LRIG2: variants seen among roughly 807,000 people sequenced by gnomAD.
LRIG2 encodes the protein leucine rich repeats and immunoglobulin like domains 2, also known as leucine-rich repeats and immunoglobulin-like domains protein 2.
A neutral mutation model predicts 107.8 loss-of-function variants in LRIG2; 93 were observed. The observed-to-expected ratio is 0.86, with a 90% CI of 0.73 to 1.03. The LOEUF (loss-of-function observed/expected upper bound fraction) is 1.03, where lower values mean the gene tolerates loss of function less well. Among genes scored for constraint, LRIG2 ranks in the 50% least tolerant of loss-of-function variants. The pLI, the probability that LRIG2 is intolerant of heterozygous loss-of-function variation, is 0.00. For missense variants in LRIG2, 1,226 were observed against 1,296.0 expected (o/e 0.95, Z 0.83); for synonymous variants, 471 against 470.6 (o/e 1.00, Z -0.01).
At chr1:113,112,389 T>G in intron 13 of LRIG2, 90 bp from the exon 14 acceptor site, 2 of 1,135,082 alleles carry the variant, frequency 1.8e-6, no homozygotes, top group Non-Finnish European at 2.5e-6. Context: ...GGGGGTGTCT[T>G]GCCTACTAGA....
rs1202431362 is a variant in LRIG2, at chr1:113,124,728, G to T, written c.*627G>T. 2.0e-5 allele frequency: 3 copies of T among 151,970 alleles called. No individual in the cohort carries two copies. Among genetic ancestry groups the T allele is most frequent in the African/African-American group, 7.3e-5 (3 of 41,252 alleles). 9.4% of individuals were successfully genotyped at this position (151,970 alleles called of 1,614,324 possible). ...ATATGTGCATTTATAAATAATTTTT[G>T]TATTCATTGACCATATGTGTTGGCT... On this transcript the variant is annotated 3_prime_UTR_variant, in exon 18 of 18. Coordinates refer to ENST00000361127, the MANE Select transcript of LRIG2 (RefSeq NM_014813.3).
At chr1:113,078,158 A>C (rs1025690835) in intron 1 of LRIG2, among the ~76,000 whole-genome samples, 4 of 151,922 alleles carry the variant, frequency 2.6e-5, no homozygotes, top group Non-Finnish European at 4.4e-5. Context: ...GGGTTGGTTC[A>C]AAGTCTTTGC....
rs866098835 is a variant in LRIG2 at position 113,112,569 on chromosome 1, C to T, written c.1889C>T (p.Ala630Val). Residue 630 changes from alanine (A) to valine (V), a missense_variant, in exon 14 of 18, where the codon GCA (alanine) becomes GTA (valine). This residue lies in a region of LRIG2 where 642 missense variants were observed against 712.2 expected (regional missense o/e 0.90). Transcript: ENST00000361127. ...GAATGTGCTGCAGAGGGACACCCTGCACCTCAGATTTCCTGGCAGAAAGAT... is the reference window on the plus strand; with the variant it reads ...GAATGTGCTGCAGAGGGACACCCTGTACCTCAGATTTCCTGGCAGAAAGAT... ...RLECAAEGHP[A>V]PQISWQKDGG... 5 of 1,614,104 alleles carry T rather than the reference C, an allele frequency of 3.1e-6. No individual in the cohort carries two copies. The Middle Eastern group carries it at 4.9e-4, about 159-fold the overall frequency.
Position 113,077,051 on chromosome 1 carries a change from G to T in LRIG2, c.239+3406G>T, listed in dbSNP as rs530613800. Among the ~76,000 whole-genome samples, 11 of 152,090 alleles carry T rather than the reference G, an allele frequency of 7.2e-5. No homozygotes were observed. The South Asian group carries it at 2.1e-3, about 29-fold the overall frequency. ...ACATTAAGAAGTATGTATTTTTAGG[G>T]TTAAGGACGCTTCTATAGATTATAT... On this transcript the variant is annotated intron_variant, in intron 1 of 17. Coordinates refer to ENST00000361127, the MANE Select transcript of LRIG2 (RefSeq NM_014813.3).
rs1655634751 is a variant in LRIG2, at chr1:113,129,705, A to G, written c.*5604A>G. ...CTAATCAGGAATGTTGCAAACTGAA[A>G]TGCTCCTTTCCCCACTGCCCCCTAA... is the stretch of plus-strand genomic sequence containing the variant. On this transcript the variant is annotated 3_prime_UTR_variant, in exon 18 of 18. Coordinates refer to ENST00000361127, the MANE Select transcript of LRIG2 (RefSeq NM_014813.3). 1 of 152,208 alleles carries G rather than the reference A, an allele frequency of 6.6e-6. No individual in the cohort carries two copies. Among genetic ancestry groups the G allele is most frequent in the Non-Finnish European group, 1.5e-5 (1 of 68,042 alleles). 9.4% of individuals were successfully genotyped at this position (152,208 alleles called of 1,614,324 possible).
chr1:113,096,046 G>T (rs751975786), intron 7 of LRIG2, 29 bp downstream of exon 7: 10 of 1,613,792 alleles, frequency 6.2e-6, no homozygotes, highest in South Asian at 5.5e-5. Flanking sequence ...TTCACTGGAG[G>T]CAGTTAAGAC....
intron 9 of LRIG2, 78 bp from the exon 10 acceptor site, chr1:113,100,133 C>T: frequency 1.2e-6 from 1 of 842,526 alleles, no homozygotes; most frequent in Non-Finnish European, 1.8e-6. Flanking sequence ...CTTATTTTCA[C>T]TTTTTATAGG....
Position 113,124,319 on chromosome 1 carries a change from A to G in LRIG2, c.*218A>G. On this transcript the variant is annotated 3_prime_UTR_variant, in exon 18 of 18. Transcript: ENST00000361127. ...TGGGTACAGCTCATCAAAAATGTGC[A>G]GCACCGGCAGAGGGAAGATACGGGG... The G allele has an allele frequency of 3.5e-6, 2 of 577,530 alleles. No individual in the cohort carries two copies. Among genetic ancestry groups the G allele is most frequent in the South Asian group, 4.1e-5 (2 of 49,124 alleles). 35.8% of individuals were successfully genotyped at this position (577,530 alleles called of 1,614,324 possible).
At position 113,098,701 on chromosome 1, in the gene LRIG2, G is replaced by A. The variant is rs371981474; in HGVS notation, c.1092-4G>A. ...GCACCTGTCTTTCTCTGACATTTTT[G>A]TAGAGACTTAAGAAACAATGAAATT... On this transcript the variant is annotated splice_polypyrimidine_tract_variant and splice_region_variant and intron_variant, in intron 8 of 17. Coordinates refer to ENST00000361127, the MANE Select transcript of LRIG2 (RefSeq NM_014813.3). 6.9e-6 allele frequency: 11 copies of A among 1,599,666 alleles called. No individual in the cohort carries two copies. Among genetic ancestry groups the A allele is most frequent in the Non-Finnish European group, 9.4e-6 (11 of 1,167,108 alleles).
chr1:113,088,639 A>G (rs1314276770), intron 1 of LRIG2, among the ~76,000 whole-genome samples: 2 of 152,230 alleles, frequency 1.3e-5, no homozygotes, highest in Non-Finnish European at 2.9e-5. Context: ...GTCACCAGAT[A>G]CAAAATTAGA....
chr1:113,086,633 C>G (rs1474418098), intron 1 of LRIG2, among the ~76,000 whole-genome samples: 1 of 152,172 alleles, frequency 6.6e-6, no homozygotes, highest in Non-Finnish European at 1.5e-5. Flanking sequence ...TTGATTTTCT[C>G]TTTGAACTGT....
chr1:113,079,334 CAAGATCCTATTTAAA>C lies in LRIG2; in HGVS notation c.239+5692_239+5706del, dbSNP rs1653146144. Among the ~76,000 whole-genome samples, 10 of 128,270 alleles carry C rather than the reference CAAGATCCTATTTAAA, an allele frequency of 7.8e-5. No homozygotes were observed. The South Asian group carries it at 2.4e-3, about 30-fold the overall frequency. The allele number at this position is 128,270 out of a possible 152,430, so 84.2% of individuals were successfully genotyped here. On this transcript the variant is annotated intron_variant, in intron 1 of 17. Transcript: ENST00000361127. ...CTGTACTCCAGCCTGGGAGACAGAG[CAAGATCCTATTTAAA>C]AAAAAAAAAAAAAAGAAGAGAAAGA...
In LRIG2 at chr1:113,114,615, G is replaced by A. The variant is rs975321508; in HGVS notation, c.2269G>A (p.Gly757Arg). The change falls in exon 15 of 18, where the codon GGG becomes AGG. Residue 757 changes from glycine (G) to arginine (R), a missense_variant. Coordinates refer to ENST00000361127, the MANE Select transcript of LRIG2 (RefSeq NM_014813.3). ...ANQLLIIVDAGLEDAGKYTCI... is the reference protein window; with the variant it reads ...ANQLLIIVDARLEDAGKYTCI... ...TCAGCTTCTCATCATTGTAGATGCC[G>A]GGCTAGAAGATGCTGGGAAATATAC... The A allele has an allele frequency of 4.3e-6, 7 of 1,614,026 alleles. No individual in the cohort carries two copies. The highest frequency in any genetic ancestry group is 2.2e-5 in the East Asian group (1 of 44,874).
Position 113,119,476 on chromosome 1 carries a change from A to G in LRIG2, c.2924A>G (p.His975Arg). 9.3e-6 allele frequency: 15 copies of G among 1,614,118 alleles called. No homozygotes were observed. The highest frequency in any genetic ancestry group is 1.3e-5 in the African/African-American group (1 of 75,018). ...GAGCCATCTGCCTTTCCCACCAACC[A>G]TGAGAGGATAAGTGAGAAGAAACTT... ...NREPSAFPTN[H>R]ERISEKKLPS... The change falls in exon 17 of 18, where the codon CAT becomes CGT. Residue 975 changes from histidine (H) to arginine (R), a missense_variant. Physicochemically the swap from His to Arg is conservative, Grantham distance 29. This residue lies in a region of LRIG2 where 642 missense variants were observed against 712.2 expected (regional missense o/e 0.90). Coordinates refer to ENST00000361127, the MANE Select transcript of LRIG2 (RefSeq NM_014813.3).
At chr1:113,084,511 G>A (rs532052251) in intron 1 of LRIG2, among the ~76,000 whole-genome samples, 19 of 152,158 alleles carry the variant, frequency 1.2e-4, no homozygotes, top group South Asian at 4.1e-4. Flanking sequence ...CACCGCGCCC[G>A]GCATACTTAA....
chr1:113,110,989 T>TG (rs1654750732), intron 13 of LRIG2, among the ~76,000 whole-genome samples: 1 of 49,612 alleles, frequency 2.0e-5, no homozygotes, highest in African/African-American at 4.2e-5. Context: ...CACAGGATCA[T>TG]TTGTGTGTGT....
intron 9 of LRIG2, 61 bp from the exon 10 acceptor site, chr1:113,100,150 T>C: frequency 9.9e-7 from 1 of 1,006,972 alleles, no homozygotes; most frequent in South Asian, 1.7e-5. Context: ...TAGGTAAATG[T>C]TTAATGAATT....
chr1:113,116,429 C>A lies in LRIG2; in HGVS notation c.2673C>A (p.Gly891=), dbSNP rs1655016464. The A allele has an allele frequency of 2.6e-6, 4 of 1,547,968 alleles. No individual in the cohort carries two copies. Among genetic ancestry groups the A allele is most frequent in the Middle Eastern group, 1.7e-4 (1 of 5,924 alleles). ...CTGCCAATGGATATATACACAAAGG[C>A]ACTGACGGTAATGACTCTGTTGTTT... The part of the protein sequence containing the change: ...MPPANGYIHK[G]TDGGTGTRVI... The change falls in exon 16 of 18, where the codon GGC becomes GGA. Residue 891 remains glycine (G), a synonymous_variant. Transcript: ENST00000361127.
At position 113,095,888 on chromosome 1, in the gene LRIG2, A is replaced by G. The variant is rs1446980129; in HGVS notation, c.818A>G (p.Asn273Ser). 1.2e-6 allele frequency: 2 copies of G among 1,614,224 alleles called. No homozygotes were observed. The highest frequency in any genetic ancestry group is 1.7e-5 in the Admixed American group (1 of 60,020). Residue 273 changes from asparagine to serine, a missense_variant, in exon 7 of 18, where the codon AAC (asparagine) becomes AGC (serine). This residue lies in a region of LRIG2 where 570 missense variants were observed against 550.2 expected (regional missense o/e 1.04). Coordinates refer to ENST00000361127, the MANE Select transcript of LRIG2 (RefSeq NM_014813.3). ...NNMEELELEHNNLTRVNKGWL... is the reference protein window; with the variant it reads ...NNMEELELEHSNLTRVNKGWL... ...TAATTCTGCAGAGAACTGGAACACA[A>G]CAACCTTACACGAGTAAACAAGGGG...
Sources: gnomAD v4.1 joint callset for allele counts (sites outside exome capture counted in the v4.1 genomes callset) on GRCh38, gnomAD v4.1.1 for gene constraint, gnomAD v4.1.1 regional missense constraint, MANE v1.5 for transcripts, NCBI Gene and HGNC (gene_info 2026-07-23, HGNC 2026-07-21) for gene names.